MGST1: variants seen among roughly 807,000 people sequenced by gnomAD.
MGST1 encodes the protein glutathione S-transferase 12.
A neutral mutation model predicts 8.9 loss-of-function variants in MGST1; 5 were observed. The ratio of observed to expected loss-of-function variants is 0.56; its 90% CI spans 0.29 to 1.19. MGST1 has a LOEUF of 1.19. Among genes scored for constraint, MGST1 ranks in the 50% most tolerant of loss-of-function variants. The pLI is 0.08. For synonymous variants in MGST1, 54 were observed against 67.8 expected (o/e 0.80, Z 1.00); for missense variants, 182 against 187.4 (o/e 0.97, Z 0.17).
chr12:16,406,162 ACCC>A (rs1565448329), intron 1 of MGST1, among the ~76,000 whole-genome samples: 1 of 152,134 alleles, frequency 6.6e-6, no homozygotes, highest in African/African-American at 2.4e-5. Context: ...TATCTAGAAA[ACCC>A]CACAGTCTCA....
intron 4 of MGST1, among the ~76,000 whole-genome samples, chr12:16,534,854 C>T (rs1332566291): frequency 7.9e-5 from 12 of 152,148 alleles, no homozygotes; most frequent in Admixed American, 7.9e-4. Flanking sequence ...GATCTATTCT[C>T]CCAGGCCTTG....
At chr12:16,574,142 A>C (rs920611297) in intron 4 of MGST1, among the ~76,000 whole-genome samples, 2 of 152,122 alleles carry the variant, frequency 1.3e-5, no homozygotes, top group African/African-American at 2.4e-5. Context: ...TAAAAATGCA[A>C]CACCACCAAG....
chr12:16,496,839 G>A (rs1275558177), intron 4 of MGST1, among the ~76,000 whole-genome samples: 1 of 152,178 alleles, frequency 6.6e-6, no homozygotes, highest in East Asian at 1.9e-4. Flanking sequence ...TGAGAATGCT[G>A]AATGCTGATA....
intron 4 of MGST1, among the ~76,000 whole-genome samples, chr12:16,554,642 A>G (rs1054891038): frequency 6.6e-6 from 1 of 152,176 alleles, no homozygotes; most frequent in Admixed American, 6.5e-5. Context: ...ACCTTACTTT[A>G]AGTCCACTAT....
chr12:16,538,659 A>T (rs1941773701), intron 4 of MGST1, among the ~76,000 whole-genome samples: 1 of 139,126 alleles, frequency 7.2e-6, no homozygotes, highest in Non-Finnish European at 1.5e-5. Flanking sequence ...CCCAGGCTGG[A>T]GTGCCGTGGC....
At chr12:16,420,763 G>T (rs1056404851) in intron 1 of MGST1, among the ~76,000 whole-genome samples, 1 of 152,156 alleles carries the variant, frequency 6.6e-6, no homozygotes, top group African/African-American at 2.4e-5. Context: ...GAGAACAACT[G>T]CCAGAGGACT....
intron 4 of MGST1, among the ~76,000 whole-genome samples, chr12:16,562,441 C>T (rs1942439922): frequency 6.6e-6 from 1 of 152,196 alleles, no homozygotes; most frequent in African/African-American, 2.4e-5. Context: ...TAAACATACA[C>T]ACAATGCCAT....
At chr12:16,533,556 G>C (rs568857255) in intron 4 of MGST1, among the ~76,000 whole-genome samples, 1 of 152,216 alleles carries the variant, frequency 6.6e-6, no homozygotes, top group African/African-American at 2.4e-5. Flanking sequence ...GAATAGTTCA[G>C]TCATAAATTA....
intron 1 of MGST1, among the ~76,000 whole-genome samples, chr12:16,409,382 A>G (rs1232032016): frequency 6.6e-6 from 1 of 152,070 alleles, no homozygotes; most frequent in African/African-American, 2.4e-5. Flanking sequence ...AGCCTTTATT[A>G]CCCACAAAGT....
In MGST1 at chr12:16,566,038, A is replaced by ATATATATATG. The variant is rs1555116337; in HGVS notation, n.483-23488_483-23487insTATATATGTA. The stretch of plus-strand genomic sequence containing the variant: ...TATATATATATATATATATATATAT[A>ATATATATATG]TAAAATGGAGTACTATTCAGCCATA... On this transcript the variant is annotated intron_variant and non_coding_transcript_variant, in intron 4 of 4. Coordinates refer to the MGST1 transcript ENST00000538857. Among the ~76,000 whole-genome samples, 5 of 90,522 alleles carry ATATATATATG rather than the reference A, an allele frequency of 5.5e-5. 1 individual carries two copies. The highest frequency in any genetic ancestry group is 7.7e-5 in the African/African-American group (2 of 25,914). The allele number at this position is 90,522 out of a possible 152,430, so 59.4% of individuals were successfully genotyped here.
chr12:16,354,667 C>T, intron 2 of MGST1: 2 of 202,546 alleles, frequency 9.9e-6, no homozygotes, highest in Non-Finnish European at 2.0e-5. Flanking sequence ...AACTTTCTTT[C>T]ATTTTGGAAT....
In MGST1 at chr12:16,478,270, C is replaced by T. The variant is rs181106337; in HGVS notation, n.482+94666C>T. 3.8e-3 allele frequency among the ~76,000 whole-genome samples: 574 copies of T among 152,270 alleles called. 3 individuals are homozygous for T. Among genetic ancestry groups the T allele is most frequent in the African/African-American group, 0.013 (538 of 41,564 alleles). ...GTCTTGATCTCTTGACCTCATGATC[C>T]GCCTGCCTCGGCTTCCCAAAGTGTT... On this transcript the variant is annotated intron_variant and non_coding_transcript_variant, in intron 4 of 4. Coordinates refer to the MGST1 transcript ENST00000538857.
chr12:16,446,543 C>T (rs980910354), intron 4 of MGST1, among the ~76,000 whole-genome samples: 1 of 151,910 alleles, frequency 6.6e-6, no homozygotes, highest in Non-Finnish European at 1.5e-5. Flanking sequence ...TATTAACCAT[C>T]TCCACAACTC....
chr12:16,533,771 G>A lies in MGST1; in HGVS notation n.483-55757G>A, dbSNP rs148068126. Among the ~76,000 whole-genome samples the A allele has an allele frequency of 5.8e-3, 879 of 152,060 alleles. 6 individuals carry two copies. Among genetic ancestry groups the A allele is most frequent in the Non-Finnish European group, 0.011 (740 of 67,988 alleles). ...ATCAATTACTCACAGTAACGTGAATGTGGTGGTAAACAAACACTGACAAGG... is the reference window on the plus strand; with the variant it reads ...ATCAATTACTCACAGTAACGTGAATATGGTGGTAAACAAACACTGACAAGG... On this transcript the variant is annotated intron_variant and non_coding_transcript_variant, in intron 4 of 4. Coordinates refer to the MGST1 transcript ENST00000538857.
chr12:16,486,846 G>A (rs1408162793), intron 4 of MGST1, among the ~76,000 whole-genome samples: 4 of 151,810 alleles, frequency 2.6e-5, no homozygotes, highest in Non-Finnish European at 4.4e-5. Context: ...CAAAGCTAAG[G>A]TGGACAAAAA....
intron 4 of MGST1, among the ~76,000 whole-genome samples, chr12:16,568,064 G>A (rs1942679085): frequency 6.6e-6 from 1 of 152,110 alleles, no homozygotes; most frequent in African/African-American, 2.4e-5. Context: ...GTACTACACT[G>A]GCAACAATAG....
intron 1 of MGST1, among the ~76,000 whole-genome samples, chr12:16,393,335 T>G (rs1940570544): frequency 6.6e-6 from 1 of 152,238 alleles, no homozygotes. Context: ...TTTAGCTTCC[T>G]GCAGTTTCCT....
At chr12:16,509,837 G>T (rs909751760) in intron 4 of MGST1, among the ~76,000 whole-genome samples, 4 of 152,088 alleles carry the variant, frequency 2.6e-5, no homozygotes, top group African/African-American at 4.8e-5. Flanking sequence ...GATACGTTTA[G>T]GTAGGAGTGA....
chr12:16,472,465 G>A (rs893415245), intron 4 of MGST1, among the ~76,000 whole-genome samples: 1 of 149,732 alleles, frequency 6.7e-6, no homozygotes, highest in African/African-American at 2.5e-5. Context: ...TCCTCTGTTG[G>A]TGTGACTATT....
Sources: allele counts gnomAD v4.1 joint callset (sites outside exome capture counted in the v4.1 genomes callset), GRCh38; gene constraint gnomAD v4.1.1; transcripts MANE v1.5; gene names NCBI Gene and HGNC (gene_info 2026-07-23, HGNC 2026-07-21).